The following NAV1 variants were observed in gnomAD, a reference collection of about 807,000 sequenced individuals.
The protein encoded by NAV1 is neuron navigator 1.
Under a neutral mutation model 175.2 loss-of-function variants are expected in NAV1, and 18 were observed. That is an observed-to-expected ratio of 0.10 (90% CI 0.07 to 0.15). The LOEUF is 0.15. Ranked by LOEUF, NAV1 falls within the 10% of genes least tolerant of loss-of-function variation. The pLI, the probability that NAV1 is intolerant of heterozygous loss-of-function variation, is 1.00. For missense variants in NAV1, 1,731 were observed against 2,436.6 expected, an observed-to-expected ratio of 0.71 and a Z score of 6.10; for synonymous variants, 897 against 978.7, an observed-to-expected ratio of 0.92 and a Z score of 1.56.
chr1:201,697,569 T>A, intron 1 of NAV1, among the ~76,000 whole-genome samples: 1 of 152,246 alleles, frequency 6.6e-6, no homozygotes, highest in South Asian at 2.1e-4. Flanking sequence ...GTCACTGCTA[T>A]TCCAGTGCGC....
intron 1 of NAV1, among the ~76,000 whole-genome samples, chr1:201,585,158 A>G (rs1428111183): frequency 6.6e-6 from 1 of 152,332 alleles, no homozygotes; most frequent in South Asian, 2.1e-4. Flanking sequence ...GAAGTCAGGC[A>G]CTGGGCTGGA....
intron 15 of NAV1, among the ~76,000 whole-genome samples, chr1:201,799,712 A>T (rs3001024): frequency 0.5 from 75,418 of 151,820 alleles, 20,051 homozygotes; most frequent in South Asian, 0.66. Flanking sequence ...ATACAAAAAT[A>T]AGCTGTTCAT....
At chr1:201,545,820 C>T (rs752384942) in intron 1 of NAV1, among the ~76,000 whole-genome samples, 10 of 152,198 alleles carry the variant, frequency 6.6e-5, no homozygotes, top group Non-Finnish European at 1.0e-4. Flanking sequence ...CATAAAGGAA[C>T]GAGTCTGACT....
Position 201,804,012 on chromosome 1 carries a change from G to T in NAV1, c.3639+298G>T, listed in dbSNP as rs1400928773. ...AAGGATGCTGAGGATATACTCAGAAGGAAACATCTTATCAGTTCTGTCCCC... is the reference window on the plus strand; with the variant it reads ...AAGGATGCTGAGGATATACTCAGAATGAAACATCTTATCAGTTCTGTCCCC... On this transcript the variant is annotated intron_variant, in intron 16 of 29. Coordinates refer to ENST00000367296, the Ensembl canonical transcript of NAV1. The T allele has an allele frequency of 7.8e-6, 4 of 512,558 alleles. No homozygotes were observed. In the Admixed American group the frequency reaches 9.1e-5, roughly 12 times the overall value. The allele number at this position is 512,558 out of a possible 1,614,324, so 31.8% of individuals were successfully genotyped here.
At chr1:201,542,334 C>T (rs1390374716) in intron 1 of NAV1, among the ~76,000 whole-genome samples, 1 of 152,192 alleles carries the variant, frequency 6.6e-6, no homozygotes. Context: ...ATCAACTTTT[C>T]GAGTCTCTGG....
intron 2 of NAV1, among the ~76,000 whole-genome samples, chr1:201,632,143 G>A (rs546364152): frequency 1.9e-4 from 29 of 152,332 alleles, no homozygotes; most frequent in African/African-American, 6.5e-4. Context: ...CGGAGCAGGA[G>A]AAGGCCAAAG....
At chr1:201,776,401 G>A in intron 3 of NAV1, among the ~76,000 whole-genome samples, 1 of 151,602 alleles carries the variant, frequency 6.6e-6, no homozygotes, top group East Asian at 1.9e-4. Context: ...CAGCACTTTG[G>A]GAGGCTTAGG....
At chr1:201,739,662 A>T (rs1246707935) in intron 3 of NAV1, 9 of 487,654 alleles carry the variant, frequency 1.8e-5, no homozygotes, top group Admixed American at 5.8e-5. Flanking sequence ...GTGGAGGTCG[A>T]GCCCCCAGCC....
intron 3 of NAV1, among the ~76,000 whole-genome samples, chr1:201,756,900 A>G (rs1246211981): frequency 8.3e-6 from 1 of 120,078 alleles, no homozygotes; most frequent in Non-Finnish European, 1.7e-5. Flanking sequence ...CTTTCTCCCC[A>G]CTACTTTGGC....
chr1:201,709,549 T>C (rs1166554714), intron 1 of NAV1, among the ~76,000 whole-genome samples: 1 of 152,158 alleles, frequency 6.6e-6, no homozygotes, highest in Non-Finnish European at 1.5e-5. Context: ...GGAATGTGTC[T>C]GTCACCTAGC....
intron 1 of NAV1, among the ~76,000 whole-genome samples, chr1:201,666,867 C>T (rs1298102724): frequency 2.0e-5 from 3 of 152,126 alleles, no homozygotes; most frequent in African/African-American, 7.2e-5. Flanking sequence ...TTGGCAGAAC[C>T]AGCAGGCAGC....
chr1:201,608,194 G>A (rs1437544000), intron 2 of NAV1, among the ~76,000 whole-genome samples: 4 of 152,120 alleles, frequency 2.6e-5, no homozygotes, highest in South Asian at 2.1e-4. Context: ...ATGAAACAAC[G>A]AAAGCTTAGA....
intron 1 of NAV1, among the ~76,000 whole-genome samples, chr1:201,547,279 G>A (rs1384632842): frequency 1.3e-5 from 2 of 152,082 alleles, no homozygotes; most frequent in African/African-American, 2.4e-5. Flanking sequence ...GTGAGCCACC[G>A]CACCCGGCCA....
At chr1:201,627,897 T>C (rs1174696047) in intron 1 of NAV1, among the ~76,000 whole-genome samples, 1 of 151,974 alleles carries the variant, frequency 6.6e-6, no homozygotes, top group Non-Finnish European at 1.5e-5. Flanking sequence ...TTCCAGCACT[T>C]TGAGAGGCTG....
In NAV1 at chr1:201,599,852, G is replaced by T. The variant is rs565333558; in HGVS notation, c.-33+11203G>T. Among the ~76,000 whole-genome samples, 120 of 152,248 alleles carry T rather than the reference G, an allele frequency of 7.9e-4. 1 individual carries two copies. The highest frequency in any genetic ancestry group is 1.9e-3 in the South Asian group (9 of 4,826). On this transcript the variant is annotated intron_variant, in intron 2 of 33. Transcript: ENST00000685211. Reference sequence around the variant, plus strand: ...TAGGCATCTCCAGGGAGAGTTTGAGGGGGAAAAAACAACACTTTATTTGGA... The same window carrying T: ...TAGGCATCTCCAGGGAGAGTTTGAGTGGGAAAAAACAACACTTTATTTGGA...
intron 3 of NAV1, among the ~76,000 whole-genome samples, chr1:201,752,914 G>A (rs557482262): frequency 6.6e-6 from 1 of 152,146 alleles, no homozygotes; most frequent in East Asian, 1.9e-4. Flanking sequence ...GGTGACCACT[G>A]TAATTTACAT....
At chr1:201,603,676 C>T (rs1361467104) in intron 2 of NAV1, among the ~76,000 whole-genome samples, 1 of 152,064 alleles carries the variant, frequency 6.6e-6, no homozygotes, top group African/African-American at 2.4e-5. Context: ...GTAGGCCAGG[C>T]AGGGAGTTGG....
intron 3 of NAV1, chr1:201,739,644 C>A (rs1226151942): frequency 6.4e-6 from 2 of 314,402 alleles, no homozygotes; most frequent in Middle Eastern, 1.2e-3. Context: ...AATTTCGGAG[C>A]AGCCCAGGTG....
At chr1:201,720,998 C>T (rs1672361253) in intron 3 of NAV1, among the ~76,000 whole-genome samples, 1 of 151,986 alleles carries the variant, frequency 6.6e-6, no homozygotes, top group Non-Finnish European at 1.5e-5. Flanking sequence ...GAAAGACCCC[C>T]TTTATCCCCC....
Sources: allele counts gnomAD v4.1 joint callset (sites outside exome capture counted in the v4.1 genomes callset), GRCh38; gene constraint gnomAD v4.1.1; transcripts MANE v1.5; gene names NCBI Gene and HGNC (gene_info 2026-07-23, HGNC 2026-07-21).